Variants in MSRB3 observed in about 807,000 individuals in gnomAD.
MSRB3 encodes the protein methionine-R-sulfoxide reductase B3.
Under a neutral mutation model 21.0 loss-of-function variants are expected in MSRB3, and 13 were observed. The observed-to-expected ratio is 0.62, with a 90% CI of 0.40 to 0.98. The LOEUF (loss-of-function observed/expected upper bound fraction) is 0.98, where lower values mean the gene tolerates loss of function less well. MSRB3 is among the 50% of genes least tolerant of loss of function. MSRB3 has a pLI of 0.00. For synonymous variants in MSRB3, 87 were observed against 88.6 expected (o/e 0.98, Z 0.10); for missense variants, 199 against 230.3 (o/e 0.86, Z 0.88).
At chr12:65,367,028 AAG>A (rs1233896583) in intron 4 of MSRB3, among the ~76,000 whole-genome samples, 1 of 152,160 alleles carries the variant, frequency 6.6e-6, no homozygotes, top group Non-Finnish European at 1.5e-5. Context: ...TGTCCAATGA[AAG>A]AGAGAGGTTT....
intron 6 of MSRB3, 122 bp downstream of exon 6, chr12:65,453,947 A>T (rs770443598): frequency 1.3e-6 from 1 of 775,460 alleles, no homozygotes; most frequent in African/African-American, 1.7e-5. Flanking sequence ...CGAAGTTTAT[A>T]TGAAGTCCGA....
At chr12:65,432,522 C>T (rs1881927963) in intron 5 of MSRB3, among the ~76,000 whole-genome samples, 1 of 152,014 alleles carries the variant, frequency 6.6e-6, no homozygotes, top group African/African-American at 2.4e-5. Context: ...TCTATATCCC[C>T]TCCTAGCTCT....
chr12:65,368,146 T>C (rs1357577022), intron 4 of MSRB3, among the ~76,000 whole-genome samples: 1 of 152,178 alleles, frequency 6.6e-6, no homozygotes. Flanking sequence ...TCCCACTTAG[T>C]TAACTACATT....
At chr12:65,361,416 G>A (rs1337301150) in intron 4 of MSRB3, among the ~76,000 whole-genome samples, 2 of 152,090 alleles carry the variant, frequency 1.3e-5, no homozygotes, top group Non-Finnish European at 2.9e-5. Context: ...ACTGTTACGT[G>A]AATATGGACA....
At chr12:65,351,038 C>T (rs1269312475) in intron 4 of MSRB3, among the ~76,000 whole-genome samples, 2 of 151,852 alleles carry the variant, frequency 1.3e-5, no homozygotes, top group African/African-American at 4.8e-5. Flanking sequence ...CACGCCTATT[C>T]CAAAATTGAC....
rs1007992937 is a variant in MSRB3 at position 65,377,374 on chromosome 12, C to T, written c.292+8348C>T. Among the ~76,000 whole-genome samples, 4 of 152,106 alleles carry T rather than the reference C, an allele frequency of 2.6e-5. No homozygotes were observed. In the East Asian group the frequency reaches 5.8e-4, roughly 22 times the overall value. On this transcript the variant is annotated intron_variant, in intron 5 of 6. Coordinates refer to ENST00000308259, the MANE Select transcript of MSRB3 (RefSeq NM_001031679.3). ...TGGCTCCCTGCCTCCTGGGATCAAG[C>T]GATTCTCCTGCCTCAGCCTCCCCAA...
chr12:65,349,943 G>C (rs995804198), intron 4 of MSRB3, among the ~76,000 whole-genome samples: 1 of 151,960 alleles, frequency 6.6e-6, no homozygotes, highest in African/African-American at 2.4e-5. Flanking sequence ...TTTGTCTTTT[G>C]TTGCCATTGC....
chr12:65,314,966 A>T (rs564953937), intron 2 of MSRB3, among the ~76,000 whole-genome samples: 9 of 152,318 alleles, frequency 5.9e-5, no homozygotes, highest in African/African-American at 2.2e-4. Flanking sequence ...AGAAGGATTT[A>T]TTAAAATGAG....
At chr12:65,460,062 C>T (rs141681100) in intron 6 of MSRB3, among the ~76,000 whole-genome samples, 16 of 152,304 alleles carry the variant, frequency 1.1e-4, no homozygotes, top group East Asian at 3.9e-4. Flanking sequence ...TAAAGAAACA[C>T]ATAACCATTA....
At chr12:65,338,917 C>T (rs557093648) in intron 4 of MSRB3, among the ~76,000 whole-genome samples, 9 of 151,936 alleles carry the variant, frequency 5.9e-5, no homozygotes, top group Admixed American at 5.9e-4. Flanking sequence ...TCTACTAAAA[C>T]ACAAAAGAAA....
At chr12:65,444,786 G>A (rs1882539279) in intron 5 of MSRB3, among the ~76,000 whole-genome samples, 1 of 152,096 alleles carries the variant, frequency 6.6e-6, no homozygotes, top group African/African-American at 2.4e-5. Context: ...CCATCCTTAA[G>A]CAATTTTCTC....
chr12:65,436,030 G>C (rs143526295), intron 5 of MSRB3, among the ~76,000 whole-genome samples: 1 of 151,836 alleles, frequency 6.6e-6, no homozygotes, highest in East Asian at 1.9e-4. Flanking sequence ...GTACACCCCA[G>C]GTAGGAATGA....
chr12:65,307,115 A>G, intron 1 of MSRB3: 1 of 872,326 alleles, frequency 1.1e-6, no homozygotes, highest in Middle Eastern at 5.9e-4. Flanking sequence ...TGTGAGGTAT[A>G]GACCTTTGAT....
chr12:65,368,552 G>T (rs1878140794), intron 4 of MSRB3, among the ~76,000 whole-genome samples: 1 of 152,178 alleles, frequency 6.6e-6, no homozygotes, highest in Non-Finnish European at 1.5e-5. Context: ...CTTATTAAAT[G>T]TATGGGGTTA....
At chr12:65,334,087 A>G (rs1463825282) in intron 4 of MSRB3, among the ~76,000 whole-genome samples, 1 of 152,240 alleles carries the variant, frequency 6.6e-6, no homozygotes, top group Middle Eastern at 3.2e-3. Context: ...TGCATGTGCA[A>G]TCAGCTTCTG....
chr12:65,308,648 TC>T lies in MSRB3; in HGVS notation c.72del (p.Ser25GlnfsTer19). 1 of 1,613,948 alleles carries T rather than the reference TC, an allele frequency of 6.2e-7. No individual in the cohort carries two copies. The highest frequency in any genetic ancestry group is 8.5e-7 in the Non-Finnish European group (1 of 1,179,876). On this transcript the variant is annotated frameshift_variant, in exon 2 of 7. Transcript: ENST00000308259. LOFTEE classifies it high-confidence loss of function. ...QPVALRACGL[P>X]SGSCRDKKNC... is the part of the protein sequence containing the mutation. ...CAGTAGCCCTTCGAGCCTGTGGGCT[TC>T]CCTCAGGTTGCTGCTTGTTGTACTG...
At chr12:65,330,517 G>A (rs903473330) in intron 4 of MSRB3, among the ~76,000 whole-genome samples, 6 of 152,056 alleles carry the variant, frequency 3.9e-5, no homozygotes, top group African/African-American at 1.4e-4. Context: ...CATTGGTCTA[G>A]TGCCAACTTC....
chr12:65,389,215 A>T (rs1879344321), intron 5 of MSRB3, among the ~76,000 whole-genome samples: 1 of 152,068 alleles, frequency 6.6e-6, no homozygotes, highest in Non-Finnish European at 1.5e-5. Flanking sequence ...CCTATGCATG[A>T]TTCTTTCTTA....
intron 5 of MSRB3, chr12:65,420,030 TGGGG>T: frequency 1.8e-6 from 1 of 550,996 alleles, no homozygotes; most frequent in Non-Finnish European, 3.7e-6. Context: ...TCATGCTGTC[TGGGG>T]AAGAGAGCGG....
Sources: gnomAD v4.1 joint callset for allele counts (sites outside exome capture counted in the v4.1 genomes callset) on GRCh38, gnomAD v4.1.1 for gene constraint, MANE v1.5 for transcripts, NCBI Gene and HGNC (gene_info 2026-07-23, HGNC 2026-07-21) for gene names.